Variants in DSCAM observed in about 807,000 individuals in gnomAD.
The protein encoded by DSCAM is cell adhesion molecule DSCAM.
A neutral mutation model predicts 217.7 loss-of-function variants in DSCAM; 47 were observed. The observed-to-expected ratio is 0.22, with a 90% CI of 0.17 to 0.28. DSCAM has a LOEUF of 0.28. Ranked by LOEUF, DSCAM falls within the 10% of genes least tolerant of loss-of-function variation. The probability of loss-of-function intolerance (pLI) is 1.00; values close to 1 mark genes in which losing one functional copy is unlikely to be tolerated. For missense variants in DSCAM, 2,080 were observed against 2,618.3 expected, an observed-to-expected ratio of 0.79 and a Z score of 4.49; for synonymous variants, 1,056 against 1,015.3, an observed-to-expected ratio of 1.04 and a Z score of -0.76.
Position 40,637,414 on chromosome 21 carries a change from TATATATATAA to T in DSCAM, c.508+55386_508+55395del, listed in dbSNP as rs1267866564. Among the ~76,000 whole-genome samples the T allele has an allele frequency of 1.6e-3, 8 of 4,980 alleles. 1 individual carries two copies. Among genetic ancestry groups the T allele is most frequent in the Non-Finnish European group, 1.9e-3 (6 of 3,160 alleles). The allele number at this position is 4,980 out of a possible 152,430, so 3.3% of individuals were successfully genotyped here. On this transcript the variant is annotated intron_variant, in intron 3 of 32. Transcript: ENST00000400454. ...ATATATAAATATATATAAATATAAATATATATATAAATATATAAATATAAATATATATATA... is the reference window on the plus strand; with the variant it reads ...ATATATAAATATATATAAATATAAATATATATAAATATAAATATATATATA...
intron 1 of DSCAM, among the ~76,000 whole-genome samples, chr21:40,801,258 T>G (rs529742997): frequency 6.6e-6 from 1 of 152,318 alleles, no homozygotes; most frequent in East Asian, 1.9e-4. Context: ...TGGTTACTTT[T>G]GGCTGCTTAT....
intron 3 of DSCAM, among the ~76,000 whole-genome samples, chr21:40,477,452 C>T (rs2075946942): frequency 6.6e-6 from 1 of 152,170 alleles, no homozygotes; most frequent in Admixed American, 6.5e-5. Context: ...TTCTCAGATG[C>T]TCAGTATTGA....
At chr21:40,663,066 T>TGTGG (rs149885428) in intron 3 of DSCAM, among the ~76,000 whole-genome samples, 1 of 151,052 alleles carries the variant, frequency 6.6e-6, no homozygotes, top group Admixed American at 6.6e-5. Context: ...TGTGCGCACC[T>TGTGG]GTGTGTATGC....
chr21:40,273,775 C>A (rs2073651050), intron 11 of DSCAM, among the ~76,000 whole-genome samples: 1 of 152,192 alleles, frequency 6.6e-6, no homozygotes, highest in African/African-American at 2.4e-5. Flanking sequence ...TAGCATCCTC[C>A]TCCAGGTTGC....
intron 3 of DSCAM, among the ~76,000 whole-genome samples, chr21:40,421,357 G>T (rs1414457905): frequency 1.3e-5 from 2 of 152,214 alleles, no homozygotes; most frequent in Admixed American, 1.3e-4. Flanking sequence ...AGGGAAGCCT[G>T]ACCTTCGGTA....
intron 3 of DSCAM, among the ~76,000 whole-genome samples, chr21:40,591,141 T>C (rs2076981689): frequency 6.6e-6 from 1 of 152,150 alleles, no homozygotes; most frequent in African/African-American, 2.4e-5. Flanking sequence ...CTGCATTCAA[T>C]CTCCTTCCTG....
intron 11 of DSCAM, among the ~76,000 whole-genome samples, chr21:40,203,185 C>T (rs2091088604): frequency 6.6e-6 from 1 of 152,240 alleles, no homozygotes; most frequent in Non-Finnish European, 1.5e-5. Flanking sequence ...GCATGAACAA[C>T]TTGGTACATC....
rs191394276 is a variant in DSCAM, at chr21:40,833,562, C to T, written c.43+13057G>A. On this transcript the variant is annotated intron_variant, in intron 1 of 32. Transcript: ENST00000400454. ...TTGAGGGAGAAATGGCTGGAGGAAC[C>T]CAGGAACACCCTGAGCATCCATGTT... is the stretch of plus-strand genomic sequence containing the variant. Among the ~76,000 whole-genome samples the T allele has an allele frequency of 2.0e-5, 3 of 152,172 alleles. No individual in the cohort carries two copies. In the South Asian group the frequency reaches 6.2e-4, roughly 32 times the overall value.
intron 11 of DSCAM, among the ~76,000 whole-genome samples, chr21:40,261,650 T>TACACA (rs373042306): frequency 0.072 from 8,059 of 112,102 alleles, 223 homozygotes; most frequent in African/African-American, 0.091. Context: ...TCTCTCTCTC[T>TACACA]CTACACACAC....
At chr21:40,326,197 A>G (rs2074315117) in intron 8 of DSCAM, among the ~76,000 whole-genome samples, 1 of 152,218 alleles carries the variant, frequency 6.6e-6, no homozygotes, top group Admixed American at 6.5e-5. Context: ...GCATGGACAG[A>G]TGATAATGGT....
intron 1 of DSCAM, among the ~76,000 whole-genome samples, chr21:40,794,152 G>A (rs866175819): frequency 1.3e-5 from 2 of 151,956 alleles, no homozygotes; most frequent in African/African-American, 2.4e-5. Context: ...ATCGCAAAGG[G>A]ATTTACATTT....
chr21:40,375,384 A>G (rs983169992), intron 3 of DSCAM, among the ~76,000 whole-genome samples: 4 of 152,230 alleles, frequency 2.6e-5, no homozygotes, highest in African/African-American at 7.2e-5. Flanking sequence ...GGCTTTGGCC[A>G]TATCTCCAAA....
intron 3 of DSCAM, among the ~76,000 whole-genome samples, chr21:40,635,204 A>G (rs2089741176): frequency 6.6e-6 from 1 of 152,114 alleles, no homozygotes; most frequent in Non-Finnish European, 1.5e-5. Flanking sequence ...GACAGGAGAG[A>G]AAGGGGAAAA....
intron 8 of DSCAM, among the ~76,000 whole-genome samples, chr21:40,329,056 T>C (rs1053758691): frequency 1.3e-5 from 2 of 152,204 alleles, no homozygotes; most frequent in African/African-American, 4.8e-5. Flanking sequence ...CTTTGTACTG[T>C]ATTGATAGGA....
intron 1 of DSCAM, among the ~76,000 whole-genome samples, chr21:40,753,424 T>C (rs1200868160): frequency 1.3e-5 from 2 of 152,186 alleles, no homozygotes; most frequent in Non-Finnish European, 2.9e-5. Flanking sequence ...AAACATTTAG[T>C]ATGGGAGAAG....
At chr21:40,733,914 T>C (rs759592822) in intron 1 of DSCAM, among the ~76,000 whole-genome samples, 1 of 152,154 alleles carries the variant, frequency 6.6e-6, no homozygotes, top group Non-Finnish European at 1.5e-5. Context: ...CATAAACAGA[T>C]GATATTTGAT....
chr21:40,302,333 T>A (rs541176050), intron 9 of DSCAM, among the ~76,000 whole-genome samples: 2 of 152,234 alleles, frequency 1.3e-5, no homozygotes, highest in South Asian at 4.1e-4. Context: ...TGAATGAGTC[T>A]CATGAGATCT....
intron 3 of DSCAM, among the ~76,000 whole-genome samples, chr21:40,475,883 AT>A (rs979130537): frequency 3.3e-5 from 5 of 152,116 alleles, no homozygotes; most frequent in African/African-American, 1.2e-4. Flanking sequence ...AGCCTATTCC[AT>A]TTGAGTAGTT....
intron 1 of DSCAM, among the ~76,000 whole-genome samples, chr21:40,715,475 G>A (rs994844539): frequency 5.3e-5 from 8 of 152,156 alleles, no homozygotes; most frequent in African/African-American, 1.2e-4. Flanking sequence ...TTGTACAAGC[G>A]ATAGCTCTTA....
Sources: allele counts gnomAD v4.1 joint callset (sites outside exome capture counted in the v4.1 genomes callset), GRCh38; gene constraint gnomAD v4.1.1; transcripts MANE v1.5; gene names NCBI Gene and HGNC (gene_info 2026-07-23, HGNC 2026-07-21).